The following CBX6 variants were observed in gnomAD, a reference collection of about 807,000 sequenced individuals.
CBX6 encodes chromobox 6.
Under a neutral mutation model 28.4 loss-of-function variants are expected in CBX6, and 7 were observed. The ratio of observed to expected loss-of-function variants is 0.25; its 90% CI spans 0.14 to 0.46. CBX6 has a LOEUF of 0.46. Ranked by LOEUF, CBX6 falls within the 20% of genes least tolerant of loss-of-function variation. The pLI, the probability that CBX6 is intolerant of heterozygous loss-of-function variation, is 0.99. For missense variants in CBX6, 512 were observed against 606.1 expected, an observed-to-expected ratio of 0.84 and a Z score of 1.63; for synonymous variants, 297 against 273.4, an observed-to-expected ratio of 1.09 and a Z score of -0.85.
intron 4 of CBX6, among the ~76,000 whole-genome samples, 191 bp from the exon 5 acceptor site, chr22:38,867,392 T>C (rs552284790): frequency 4.6e-5 from 7 of 152,322 alleles, no homozygotes; most frequent in African/African-American, 1.4e-4. Context: ...AATTTGCCTC[T>C]GACTCCAAGG....
Position 38,872,044 on chromosome 22 carries a change from G to T in CBX6, c.69+78C>A. ...GGCTGGGCGAGGGAGCCGGGCTAGC[G>T]GGACCGCTTCGCCCCGAGGGCCCCC... On this transcript the variant is annotated intron_variant, in intron 1 of 4. Transcript: ENST00000407418. This position sits in a 1 kb window ranked among gnomAD's most constrained non-coding sequence, Gnocchi z 5.0. The T allele has an allele frequency of 5.3e-6, 7 of 1,329,912 alleles. No individual in the cohort carries two copies. The highest frequency in any genetic ancestry group is 6.8e-6 in the Non-Finnish European group (7 of 1,032,156). The allele number at this position is 1,329,912 out of a possible 1,614,324, so 82.4% of individuals were successfully genotyped here. A position where few individuals can be genotyped will look rare whatever the true frequency, so the allele number is the denominator to read the frequency against.
At position 38,871,291 on chromosome 22, in the gene CBX6, T is replaced by C. The variant is rs754583802; in HGVS notation, c.246+189A>G. On this transcript the variant is annotated intron_variant, in intron 4 of 4. Coordinates refer to ENST00000407418, the MANE Select transcript of CBX6 (RefSeq NM_014292.5). The surrounding 1 kb of genome is among the most constrained non-coding windows in gnomAD (Gnocchi z 5.6). Reference sequence around the variant, plus strand: ...AGTCCCAAAACCCTCTTGTTGAAGCTGATGCTGGCTGAGGCCTGCCATCAG... The same window carrying C: ...AGTCCCAAAACCCTCTTGTTGAAGCCGATGCTGGCTGAGGCCTGCCATCAG... 1.1e-5 allele frequency: 7 copies of C among 666,176 alleles called. No individual in the cohort carries two copies. In the Admixed American group the frequency reaches 1.7e-4, roughly 16 times the overall value. The allele number at this position is 666,176 out of a possible 1,614,324, so 41.3% of individuals were successfully genotyped here. A position where few individuals can be genotyped will look rare whatever the true frequency, so the allele number is the denominator to read the frequency against.
Position 38,866,162 on chromosome 22 carries a change from T to C in CBX6, c.*47A>G, listed in dbSNP as rs765163625. The C allele has an allele frequency of 2.2e-6, 3 of 1,360,930 alleles. No individual in the cohort carries two copies. In the African/African-American group the frequency reaches 4.3e-5, roughly 20 times the overall value. The allele number at this position is 1,360,930 out of a possible 1,614,324, so 84.3% of individuals were successfully genotyped here. On this transcript the variant is annotated 3_prime_UTR_variant, in exon 5 of 5. Coordinates refer to ENST00000407418, the MANE Select transcript of CBX6 (RefSeq NM_014292.5). This position sits in a 1 kb window ranked among gnomAD's most constrained non-coding sequence, Gnocchi z 7.5. ...GGTGGGGTGGGAGCAAGAGTATGAC[T>C]TCGGGCAGGAGGGCCCCCCCAAGCC...
Position 38,871,356 on chromosome 22 carries a change from G to T in CBX6, c.246+124C>A. On this transcript the variant is annotated intron_variant, in intron 4 of 4. Coordinates refer to ENST00000407418, the MANE Select transcript of CBX6 (RefSeq NM_014292.5). This position sits in a 1 kb window ranked among gnomAD's most constrained non-coding sequence, Gnocchi z 5.6. The stretch of plus-strand genomic sequence containing the variant: ...GCTCACAACCACCCCCTGCCCAGCT[G>T]GGGCCCCTCTGAAAAGGCCGGCCCG... The T allele has an allele frequency of 1.1e-6, 1 of 929,432 alleles. No individual in the cohort carries two copies. The highest frequency in any genetic ancestry group is 1.5e-5 in the South Asian group (1 of 64,822). 57.6% of individuals were successfully genotyped at this position (929,432 alleles called of 1,614,324 possible). A position where few individuals can be genotyped will look rare whatever the true frequency, so the allele number is the denominator to read the frequency against.
In CBX6 at chr22:38,870,002, G is replaced by A. The variant is rs1398938121; in HGVS notation, c.246+1478C>T. The A allele has an allele frequency of 3.9e-5, 6 of 152,194 alleles. No individual in the cohort carries two copies. The highest frequency in any genetic ancestry group is 1.9e-4 in the East Asian group (1 of 5,202). The allele number at this position is 152,194 out of a possible 1,614,324, so 9.4% of individuals were successfully genotyped here. On this transcript the variant is annotated intron_variant, in intron 4 of 4. Coordinates refer to ENST00000407418, the MANE Select transcript of CBX6 (RefSeq NM_014292.5). The surrounding 1 kb of genome is among the most constrained non-coding windows in gnomAD (Gnocchi z 4.3). ...TCACAAACATCCACATCACTCTCAG[G>A]CTACCTGTTTCTTAGGGTCCAGATA...
At position 38,871,867 on chromosome 22, in the gene CBX6, C is replaced by T; in HGVS notation, c.113+35G>A. On this transcript the variant is annotated intron_variant, in intron 2 of 4. Transcript: ENST00000407418. The surrounding 1 kb of genome is among the most constrained non-coding windows in gnomAD (Gnocchi z 5.6). ...CCAGGCCCCGGTGCCCGCTGCCTCC[C>T]CTCCCGCGACGCCCCCGGACCCCGC... is the stretch of plus-strand genomic sequence containing the variant. The T allele has an allele frequency of 6.5e-7, 1 of 1,537,540 alleles. No individual in the cohort carries two copies. The highest frequency in any genetic ancestry group is 8.8e-7 in the Non-Finnish European group (1 of 1,138,712).
chr22:38,869,389 C>CG lies in CBX6; in HGVS notation c.246+2090dup, dbSNP rs541964009. ...TGCTGAACCATCACAGGGCCTACTA[C>CG]GGGCACTCCTATGATGATCAGAGAG... On this transcript the variant is annotated intron_variant, in intron 4 of 4. Coordinates refer to ENST00000407418, the MANE Select transcript of CBX6 (RefSeq NM_014292.5). Among the ~76,000 whole-genome samples, 110 of 152,256 alleles carry CG rather than the reference C, an allele frequency of 7.2e-4. 1 individual carries two copies. The highest frequency in any genetic ancestry group is 2.3e-3 in the African/African-American group (94 of 41,544).
At position 38,864,176 on chromosome 22, in the gene CBX6, TC is replaced by T. The variant is rs995025411; in HGVS notation, c.*2032del. 13 of 150,316 alleles carry T rather than the reference TC, an allele frequency of 8.6e-5. No individual in the cohort carries two copies. The highest frequency in any genetic ancestry group is 2.2e-4 in the African/African-American group (9 of 40,808). 9.3% of individuals were successfully genotyped at this position (150,316 alleles called of 1,614,324 possible). On this transcript the variant is annotated 3_prime_UTR_variant, in exon 5 of 5. Coordinates refer to ENST00000407418, the MANE Select transcript of CBX6 (RefSeq NM_014292.5). ...CTATTTTTTCTTAAATAGCTCTTTC[TC>T]CCCCGCCACCCCCCCATAGGAATCC...
rs756282814 is a variant in CBX6, at chr22:38,866,299, C to T, written c.1149G>A (p.Lys383=). The T allele has an allele frequency of 2.8e-5, 45 of 1,613,928 alleles. No individual in the cohort carries two copies. Among genetic ancestry groups the T allele is most frequent in the Non-Finnish European group, 3.6e-5 (42 of 1,180,008 alleles). ...VTSNLLTVTI[K]EFCNPEDFEK... is the part of the protein sequence containing the mutation. ...CGAAATCCTCAGGGTTGCAGAATTC[C>T]TTGATTGTGACCGTCAGGAGGTTGC... Residue 383 remains lysine (K), a synonymous_variant, in exon 5 of 5, where the codon AAG becomes AAA. Transcript: ENST00000407418. The surrounding 1 kb of genome is among the most constrained non-coding windows in gnomAD (Gnocchi z 7.5).
intron 4 of CBX6, 25 bp from the exon 5 acceptor site, chr22:38,867,226 G>GCT: frequency 6.6e-7 from 1 of 1,504,562 alleles, no homozygotes; most frequent in Admixed American, 2.0e-5. Context: ...AGGGGTGGGT[G>GCT]GGACCTCAGG....
rs959810142 is a variant in CBX6, at chr22:38,861,893, T to A, written c.*4316A>T. The A allele has an allele frequency of 1.4e-4, 21 of 152,178 alleles. No individual in the cohort carries two copies. Among genetic ancestry groups the A allele is most frequent in the African/African-American group, 4.1e-4 (17 of 41,420 alleles). 9.4% of individuals were successfully genotyped at this position (152,178 alleles called of 1,614,324 possible). A position where few individuals can be genotyped will look rare whatever the true frequency, so the allele number is the denominator to read the frequency against. On this transcript the variant is annotated 3_prime_UTR_variant, in exon 5 of 5. Coordinates refer to ENST00000407418, the MANE Select transcript of CBX6 (RefSeq NM_014292.5). The stretch of plus-strand genomic sequence containing the variant: ...AAATATAGAGCTATATATGTATATT[T>A]TATATATATAGAATTCATTCGTGCA...
chr22:38,871,603 G>T lies in CBX6; in HGVS notation c.180-57C>A. The stretch of plus-strand genomic sequence containing the variant: ...AGCCCCTTCCCGGGCCCCACTCCGC[G>T]CTGCCCTCCCCGGCTCTCCCGCTTC... On this transcript the variant is annotated intron_variant, in intron 3 of 4. Coordinates refer to ENST00000407418, the MANE Select transcript of CBX6 (RefSeq NM_014292.5). The surrounding 1 kb of genome is among the most constrained non-coding windows in gnomAD (Gnocchi z 5.6). The T allele has an allele frequency of 6.2e-7, 1 of 1,611,376 alleles. No homozygotes were observed. The highest frequency in any genetic ancestry group is 1.1e-5 in the South Asian group (1 of 91,014).
At chr22:38,868,400 G>A (rs2093175356) in intron 4 of CBX6, among the ~76,000 whole-genome samples, 1 of 152,194 alleles carries the variant, frequency 6.6e-6, no homozygotes, top group Non-Finnish European at 1.5e-5. Context: ...TCAAAGCCCG[G>A]CCCTGACACC....
At position 38,866,668 on chromosome 22, in the gene CBX6, A is replaced by T; in HGVS notation, c.780T>A (p.Leu260=). Residue 260 remains leucine (L), a synonymous_variant, in exon 5 of 5, where the codon CTT becomes CTA. Coordinates refer to ENST00000407418, the MANE Select transcript of CBX6 (RefSeq NM_014292.5). The surrounding 1 kb of genome is among the most constrained non-coding windows in gnomAD (Gnocchi z 7.5). ...CGTAGGGGGCGGCGGGGGCGGCCAG[A>T]AGTAGCCCAGGGCCCGGGGCTGAGG... ...AEASAPGPGL[L]LAAPAAPYDA... is the part of the protein sequence containing the mutation. 6.5e-7 allele frequency: 1 copy of T among 1,535,354 alleles called. No individual in the cohort carries two copies. The highest frequency in any genetic ancestry group is 1.4e-5 in the African/African-American group (1 of 71,760).
Position 38,871,393 on chromosome 22 carries a change from G to A in CBX6, c.246+87C>T. 35 of 1,366,088 alleles carry A rather than the reference G, an allele frequency of 2.6e-5. No homozygotes were observed. The highest frequency in any genetic ancestry group is 3.2e-5 in the Non-Finnish European group (32 of 992,724). 84.6% of individuals were successfully genotyped at this position (1,366,088 alleles called of 1,614,324 possible). A position where few individuals can be genotyped will look rare whatever the true frequency, so the allele number is the denominator to read the frequency against. ...AAAAGGCCGGCCCGCTTGGGCGGCC[G>A]CGTATCTGTCCCTCCCTTCCAGGCC... On this transcript the variant is annotated intron_variant, in intron 4 of 4. Transcript: ENST00000407418. The surrounding 1 kb of genome is among the most constrained non-coding windows in gnomAD (Gnocchi z 5.6).
Position 38,866,567 on chromosome 22 carries a change from T to G in CBX6, c.881A>C (p.Lys294Thr). 6.3e-7 allele frequency: 1 copy of G among 1,575,866 alleles called. No homozygotes were observed. The highest frequency in any genetic ancestry group is 8.6e-7 in the Non-Finnish European group (1 of 1,168,364). ...QSSDPDDTPP[K>T]LLPETVSPSA... ...TGGGCTCACGGTCTCGGGGAGGAGC[T>G]TGGGGGGCGTGTCGTCGGGGTCAGA... The change falls in exon 5 of 5, where the codon AAG becomes ACG. Residue 294 changes from lysine to threonine, a missense_variant. This residue lies in a region of CBX6 where 290 missense variants were observed against 274.1 expected (regional missense o/e 1.06). Transcript: ENST00000407418. This position sits in a 1 kb window ranked among gnomAD's most constrained non-coding sequence, Gnocchi z 7.5.
intron 4 of CBX6, among the ~76,000 whole-genome samples, chr22:38,868,074 A>C (rs901540431): frequency 2.0e-5 from 3 of 152,174 alleles, no homozygotes; most frequent in South Asian, 2.1e-4. Context: ...ATCTCTTTAA[A>C]GCCACAGGGC....
rs2093163659 is a variant in CBX6, at chr22:38,864,034, G to A, written c.*2175C>T. 6.6e-6 allele frequency: 1 copy of A among 152,210 alleles called. No homozygotes were observed. Among genetic ancestry groups the A allele is most frequent in the Non-Finnish European group, 1.5e-5 (1 of 68,062 alleles). The allele number at this position is 152,210 out of a possible 1,614,324, so 9.4% of individuals were successfully genotyped here. A position where few individuals can be genotyped will look rare whatever the true frequency, so the allele number is the denominator to read the frequency against. Reference sequence around the variant, plus strand: ...CTTCCCTTTGAGCAAGCACGGGTGTGGAGATCTGGGTCCAGGCCCTCTCCA... The same window carrying A: ...CTTCCCTTTGAGCAAGCACGGGTGTAGAGATCTGGGTCCAGGCCCTCTCCA... On this transcript the variant is annotated 3_prime_UTR_variant, in exon 5 of 5. Transcript: ENST00000407418.
rs62228812 is a variant in CBX6 at position 38,870,640 on chromosome 22, G to A, written c.246+840C>T. 1.3e-5 allele frequency: 2 copies of A among 152,248 alleles called. No homozygotes were observed. The highest frequency in any genetic ancestry group is 4.8e-5 in the African/African-American group (2 of 41,452). 9.4% of individuals were successfully genotyped at this position (152,248 alleles called of 1,614,324 possible). ...CTCCCACAAAGTCACCGGCTGTCGGGTGGGAGGGGGCCCTGAGGCATCCGT... is the reference window on the plus strand; with the variant it reads ...CTCCCACAAAGTCACCGGCTGTCGGATGGGAGGGGGCCCTGAGGCATCCGT... On this transcript the variant is annotated intron_variant, in intron 4 of 4. Coordinates refer to ENST00000407418, the MANE Select transcript of CBX6 (RefSeq NM_014292.5). This position sits in a 1 kb window ranked among gnomAD's most constrained non-coding sequence, Gnocchi z 4.3.
Sources: allele counts gnomAD v4.1 joint callset (sites outside exome capture counted in the v4.1 genomes callset), GRCh38; gene constraint gnomAD v4.1.1; regional missense constraint gnomAD v4.1.1; non-coding constraint Gnocchi (gnomAD v3.1); transcripts MANE v1.5; gene names NCBI Gene and HGNC (gene_info 2026-07-23, HGNC 2026-07-21).